EXOC6B: variants seen among roughly 807,000 people sequenced by gnomAD.
EXOC6B encodes SEC15 homolog B.
A neutral mutation model predicts 113.5 loss-of-function variants in EXOC6B; 54 were observed. The observed-to-expected ratio is 0.48, with a 90% CI of 0.38 to 0.60. EXOC6B has a LOEUF of 0.60. Ranked by LOEUF, EXOC6B falls within the 20% of genes least tolerant of loss-of-function variation. EXOC6B has a pLI of 0.00. For synonymous variants in EXOC6B, 357 were observed against 339.0 expected (o/e 1.05, Z -0.58); for missense variants, 797 against 977.5 (o/e 0.82, Z 2.46).
chr2:72,510,280 A>C (rs1339451395), intron 11 of EXOC6B, among the ~76,000 whole-genome samples: 1 of 152,140 alleles, frequency 6.6e-6, no homozygotes. Context: ...CAGAGTGTTA[A>C]ATAGTTCAAT....
At position 72,825,442 on chromosome 2, in the gene EXOC6B, G is replaced by C. The variant is rs59301172; in HGVS notation, c.113+356C>G. 6.6e-6 allele frequency among the ~76,000 whole-genome samples: 1 copy of C among 152,216 alleles called. No homozygotes were observed. The highest frequency in any genetic ancestry group is 2.4e-5 in the African/African-American group (1 of 41,456). ...GGACTCCTGTCTAGGGCAGGACGTA[G>C]TTAGAGACGGAGGGAGAAGGGTGAT... On this transcript the variant is annotated intron_variant, in intron 1 of 21. Transcript: ENST00000272427. This position sits in a 1 kb window ranked among gnomAD's most constrained non-coding sequence, Gnocchi z 4.4.
At chr2:72,664,330 G>A (rs1212870646) in intron 6 of EXOC6B, among the ~76,000 whole-genome samples, 3 of 152,066 alleles carry the variant, frequency 2.0e-5, no homozygotes, top group African/African-American at 7.2e-5. Flanking sequence ...CTGAAGAGTG[G>A]GGAAGCTAGG....
intron 1 of EXOC6B, among the ~76,000 whole-genome samples, chr2:72,799,994 G>A (rs890269653): frequency 6.6e-6 from 1 of 152,132 alleles, no homozygotes; most frequent in African/African-American, 2.4e-5. Context: ...GAGCCCTGGA[G>A]GCAGAGGCTG....
At chr2:72,596,376 C>A (rs1201940481) in intron 6 of EXOC6B, among the ~76,000 whole-genome samples, 1 of 152,088 alleles carries the variant, frequency 6.6e-6, no homozygotes, top group East Asian at 1.9e-4. Context: ...TACATAATTA[C>A]TGGAACAGTG....
At chr2:72,747,111 T>TA (rs1424370089) in intron 1 of EXOC6B, among the ~76,000 whole-genome samples, 3 of 152,054 alleles carry the variant, frequency 2.0e-5, no homozygotes, top group Non-Finnish European at 4.4e-5. Flanking sequence ...AGTTGCCTAT[T>TA]AGTTGTGCCT....
At chr2:72,303,244 A>AG (rs1686640795) in intron 20 of EXOC6B, among the ~76,000 whole-genome samples, 2 of 151,874 alleles carry the variant, frequency 1.3e-5, no homozygotes, top group Non-Finnish European at 2.9e-5. Context: ...TCTGTCTTTC[A>AG]GGGGCTCTCT....
In EXOC6B at chr2:72,514,696, G is replaced by A. The variant is rs1295847533; in HGVS notation, c.1000-16C>T. 1.4e-6 allele frequency: 2 copies of A among 1,468,662 alleles called. No homozygotes were observed. Among genetic ancestry groups the A allele is most frequent in the Non-Finnish European group, 1.8e-6 (2 of 1,098,026 alleles). The allele number at this position is 1,468,662 out of a possible 1,614,324, so 91.0% of individuals were successfully genotyped here. A position where few individuals can be genotyped will look rare whatever the true frequency, so the allele number is the denominator to read the frequency against. On this transcript the variant is annotated splice_polypyrimidine_tract_variant and intron_variant, in intron 9 of 21. Coordinates refer to ENST00000272427, the MANE Select transcript of EXOC6B (RefSeq NM_015189.3). ...AAGTTTCATGCTGCAACAAAGCAAA[G>A]AAGAAAAAGTTATTGTTTCTGTTTT... is the stretch of plus-strand genomic sequence containing the variant.
At chr2:72,194,643 G>A (rs1272986662) in intron 20 of EXOC6B, among the ~76,000 whole-genome samples, 1 of 151,348 alleles carries the variant, frequency 6.6e-6, no homozygotes, top group African/African-American at 2.4e-5. Context: ...CAGAGCAGAA[G>A]CTGTTTCACA....
At chr2:72,611,281 T>C (rs1671057250) in intron 6 of EXOC6B, among the ~76,000 whole-genome samples, 1 of 151,864 alleles carries the variant, frequency 6.6e-6, no homozygotes, top group East Asian at 1.9e-4. Flanking sequence ...CGAGAATCAC[T>C]TGAACCCAGG....
intron 18 of EXOC6B, among the ~76,000 whole-genome samples, chr2:72,424,132 T>C (rs891889473): frequency 6.6e-6 from 1 of 152,162 alleles, no homozygotes; most frequent in Non-Finnish European, 1.5e-5. Context: ...CTTATTTCTA[T>C]GATTGGGGGA....
At chr2:72,307,499 T>C (rs528094069) in intron 20 of EXOC6B, among the ~76,000 whole-genome samples, 2 of 152,238 alleles carry the variant, frequency 1.3e-5, no homozygotes, top group African/African-American at 4.8e-5. Flanking sequence ...CTTTCCCTCT[T>C]TGGTGTCTTC....
intron 20 of EXOC6B, among the ~76,000 whole-genome samples, chr2:72,273,716 A>G (rs1684646472): frequency 6.6e-6 from 1 of 152,312 alleles, no homozygotes; most frequent in African/African-American, 2.4e-5. Context: ...CTGGAAAGGC[A>G]GGCAGGGGCT....
At chr2:72,646,436 C>T (rs138499916) in intron 6 of EXOC6B, among the ~76,000 whole-genome samples, 32,450 of 151,728 alleles carry the variant, frequency 0.21, 5,608 homozygotes, top group African/African-American at 0.48. Context: ...AGGGAATCCT[C>T]CCTAACTCAT....
chr2:72,826,014 CTGGCTA>C lies in EXOC6B; in HGVS notation c.-110_-105del. On this transcript the variant is annotated 5_prime_UTR_variant, in exon 1 of 22. Transcript: ENST00000272427. ...ACAGGCTCCACAGCCGCCCCAGCCT[CTGGCTA>C]CCCGCAGGCCGACCCCTCCCTCAGG... The C allele has an allele frequency of 2.0e-6, 3 of 1,497,392 alleles. No homozygotes were observed. The highest frequency in any genetic ancestry group is 2.7e-6 in the Non-Finnish European group (3 of 1,120,584). The allele number at this position is 1,497,392 out of a possible 1,614,324, so 92.8% of individuals were successfully genotyped here. A position where few individuals can be genotyped will look rare whatever the true frequency, so the allele number is the denominator to read the frequency against.
At chr2:72,531,560 C>T (rs1273765635) in intron 8 of EXOC6B, among the ~76,000 whole-genome samples, 1 of 152,194 alleles carries the variant, frequency 6.6e-6, no homozygotes, top group East Asian at 1.9e-4. Flanking sequence ...CCTTAAGTTT[C>T]AAAGTGTTAA....
intron 18 of EXOC6B, among the ~76,000 whole-genome samples, chr2:72,445,055 C>A (rs994241458): frequency 1.1e-4 from 17 of 152,124 alleles, no homozygotes; most frequent in African/African-American, 3.4e-4. Flanking sequence ...AAATGGAATG[C>A]TTTTAACAGC....
chr2:72,312,485 A>T (rs1687255404), intron 20 of EXOC6B, among the ~76,000 whole-genome samples: 3 of 151,874 alleles, frequency 2.0e-5, no homozygotes, highest in African/African-American at 4.8e-5. Flanking sequence ...AAATATAGGA[A>T]TTTTTTTTGC....
intron 20 of EXOC6B, among the ~76,000 whole-genome samples, chr2:72,282,605 A>G (rs1370617665): frequency 3.3e-5 from 5 of 152,126 alleles, no homozygotes; most frequent in Non-Finnish European, 7.4e-5. Context: ...AATTAACTAA[A>G]TACTCCAATT....
chr2:72,568,412 T>C (rs1037737250), intron 7 of EXOC6B, among the ~76,000 whole-genome samples: 25 of 152,060 alleles, frequency 1.6e-4, no homozygotes, highest in African/African-American at 6.0e-4. Context: ...GTATTATACT[T>C]ATGTAGAAGA....
Sources: gnomAD v4.1 joint callset for allele counts (sites outside exome capture counted in the v4.1 genomes callset) on GRCh38, gnomAD v4.1.1 for gene constraint, Gnocchi (gnomAD v3.1) non-coding constraint, MANE v1.5 for transcripts, NCBI Gene and HGNC (gene_info 2026-07-23, HGNC 2026-07-21) for gene names.